Variants in C2orf80 observed in about 807,000 individuals in gnomAD.
C2orf80 encodes chromosome 2 open reading frame 80, also known as uncharacterized protein C2orf80.
In C2orf80, 28 loss-of-function variants were observed where a neutral mutation model predicts 30.2. That is an observed-to-expected ratio of 0.93 (90% CI 0.69 to 1.27). C2orf80 has a LOEUF of 1.27. Among genes scored for constraint, C2orf80 ranks in the 50% most tolerant of loss-of-function variants. The pLI, the probability that C2orf80 is intolerant of heterozygous loss-of-function variation, is 0.00. For synonymous variants in C2orf80, 80 were observed against 76.4 expected (o/e 1.05, Z -0.24); for missense variants, 220 against 231.0 (o/e 0.95, Z 0.31).
At chr2:208,178,912 C>A (rs1696459478) in intron 6 of C2orf80, among the ~76,000 whole-genome samples, 1 of 152,068 alleles carries the variant, frequency 6.6e-6, no homozygotes, top group Admixed American at 6.6e-5. Flanking sequence ...CGACCGCCAC[C>A]ACACCTGGCA....
chr2:208,167,307 A>C (rs1695926974), intron 8 of C2orf80, among the ~76,000 whole-genome samples: 2 of 151,858 alleles, frequency 1.3e-5, no homozygotes, highest in South Asian at 4.2e-4. Flanking sequence ...GTGGATCACG[A>C]GGTCAGGAGT....
intron 6 of C2orf80, among the ~76,000 whole-genome samples, 186 bp from the exon 7 acceptor site, chr2:208,172,261 C>A (rs1033980783): frequency 4.6e-5 from 7 of 152,310 alleles, no homozygotes; most frequent in Admixed American, 2.6e-4. Context: ...CGTGAACTTG[C>A]ACACATGGCC....
At chr2:208,181,135 A>T (rs968089756) in intron 5 of C2orf80, 83 bp downstream of exon 5, 20 of 1,020,178 alleles carry the variant, frequency 2.0e-5, no homozygotes, top group African/African-American at 3.3e-5. Context: ...TTGGTTGAAA[A>T]ATAATGTAAA....
At chr2:208,171,410 T>C (rs1559337473) in intron 7 of C2orf80, among the ~76,000 whole-genome samples, 1 of 152,148 alleles carries the variant, frequency 6.6e-6, no homozygotes, top group East Asian at 1.9e-4. Flanking sequence ...AACCTCTGCC[T>C]CCCAGATTCA....
intron 6 of C2orf80, among the ~76,000 whole-genome samples, chr2:208,176,877 G>GTA: frequency 1.0e-5 from 1 of 99,888 alleles, no homozygotes; most frequent in Non-Finnish European, 2.2e-5. Flanking sequence ...ATATACATAT[G>GTA]TATACATAGG....
At chr2:208,183,563 G>A (rs1354533059) in intron 3 of C2orf80, among the ~76,000 whole-genome samples, 1 of 152,146 alleles carries the variant, frequency 6.6e-6, no homozygotes, top group Non-Finnish European at 1.5e-5. Flanking sequence ...CAGGGGCAGT[G>A]TGGTGGGAAT....
intron 6 of C2orf80, among the ~76,000 whole-genome samples, chr2:208,176,408 T>G (rs1696295582): frequency 6.6e-6 from 1 of 152,188 alleles, no homozygotes. Flanking sequence ...ACTCCTGACC[T>G]CAAGTGATCC....
intron 6 of C2orf80, among the ~76,000 whole-genome samples, chr2:208,179,074 A>T (rs1696465951): frequency 6.6e-6 from 1 of 152,148 alleles, no homozygotes; most frequent in African/African-American, 2.4e-5. Context: ...AAAAGTTTTT[A>T]AAAAGTTATC....
At chr2:208,173,128 A>C (rs1696157731) in intron 6 of C2orf80, among the ~76,000 whole-genome samples, 1 of 151,134 alleles carries the variant, frequency 6.6e-6, no homozygotes, top group Non-Finnish European at 1.5e-5. Context: ...CTCAAAAAAA[A>C]AAAAAAAAAA....
intron 8 of C2orf80, among the ~76,000 whole-genome samples, chr2:208,167,084 A>C (rs1365703296): frequency 6.6e-6 from 1 of 152,200 alleles, no homozygotes; most frequent in Non-Finnish European, 1.5e-5. Context: ...AACTCACTCA[A>C]GTTATTAAGT....
intron 6 of C2orf80, among the ~76,000 whole-genome samples, chr2:208,176,982 A>ACATATCTGTATACAT (rs1559340714): frequency 8.7e-5 from 1 of 11,484 alleles, no homozygotes; most frequent in Admixed American, 1.7e-3. Context: ...TATATACAGA[A>ACATATCTGTATACAT]ATGTATATGT....
Position 208,169,075 on chromosome 2 carries a change from A to C in C2orf80, c.573+1870T>G, listed in dbSNP as rs4589738. Among the ~76,000 whole-genome samples, 519 of 152,148 alleles carry C rather than the reference A, an allele frequency of 3.4e-3. 4 individuals are homozygous for C. In the East Asian group the frequency reaches 0.039, roughly 11 times the overall value. On this transcript the variant is annotated intron_variant, in intron 8 of 8. Transcript: ENST00000341287. ...AAAAGATATGCTTCCATCAAGAATC[A>C]AAAAATCTTCATTGGTTGTGGAAGA...
In C2orf80 at chr2:208,176,983, A is replaced by C. The variant is rs1363587606; in HGVS notation, c.366+3762T>G. Among the ~76,000 whole-genome samples the C allele has an allele frequency of 1.9e-3, 183 of 97,424 alleles. 14 individuals carry two copies. The highest frequency in any genetic ancestry group is 0.016 in the Middle Eastern group (2 of 128). 63.9% of individuals were successfully genotyped at this position (97,424 alleles called of 152,430 possible). ...TACATATGTATACATATATACAGAA[A>C]TGTATATGTATACATATATACATAT... On this transcript the variant is annotated intron_variant, in intron 6 of 8. Coordinates refer to ENST00000341287, the MANE Select transcript of C2orf80 (RefSeq NM_001099334.3).
chr2:208,181,016 T>C (rs192618326), intron 5 of C2orf80, among the ~76,000 whole-genome samples, 200 bp from the exon 6 acceptor site: 142 of 152,332 alleles, frequency 9.3e-4, no homozygotes, highest in African/African-American at 3.3e-3. Context: ...CTTTTCTTTT[T>C]TCTTTGCCTC....
chr2:208,189,980 G>C lies in C2orf80; in HGVS notation c.-103C>G, dbSNP rs531254120. ...ACCGGAGACCGGTTCCAGTGCTTTTGTTCTTTCTCTGCTTCTGGAGGCATG... is the reference window on the plus strand; with the variant it reads ...ACCGGAGACCGGTTCCAGTGCTTTTCTTCTTTCTCTGCTTCTGGAGGCATG... On this transcript the variant is annotated 5_prime_UTR_variant, in exon 1 of 9. Transcript: ENST00000341287. 2.1e-5 allele frequency: 15 copies of C among 702,962 alleles called. No homozygotes were observed. The African/African-American group carries it at 2.6e-4, about 12-fold the overall frequency. The allele number at this position is 702,962 out of a possible 1,614,324, so 43.5% of individuals were successfully genotyped here.
intron 6 of C2orf80, among the ~76,000 whole-genome samples, chr2:208,176,882 CAT>C (rs1559340062): frequency 1.6e-4 from 16 of 98,692 alleles, no homozygotes; most frequent in East Asian, 8.1e-4. Context: ...CATATGTATA[CAT>C]AGGTGTATAT....
intron 7 of C2orf80, among the ~76,000 whole-genome samples, chr2:208,171,465 C>T (rs964508635): frequency 2.0e-5 from 3 of 151,804 alleles, no homozygotes; most frequent in African/African-American, 7.2e-5. Context: ...GGATTACAGG[C>T]GCCTACCACC....
chr2:208,185,267 A>G (rs1025865103), intron 2 of C2orf80, among the ~76,000 whole-genome samples: 4 of 152,224 alleles, frequency 2.6e-5, no homozygotes, highest in East Asian at 1.9e-4. Flanking sequence ...ATTAAACTCA[A>G]TTGGAACAGA....
intron 8 of C2orf80, among the ~76,000 whole-genome samples, chr2:208,167,509 A>G (rs543670034): frequency 1.3e-5 from 2 of 152,046 alleles, no homozygotes; most frequent in East Asian, 3.9e-4. Context: ...GCAACAAAGC[A>G]AGACTCTGTC....
Sources: gnomAD v4.1 joint callset for allele counts (sites outside exome capture counted in the v4.1 genomes callset) on GRCh38, gnomAD v4.1.1 for gene constraint, MANE v1.5 for transcripts, NCBI Gene and HGNC (gene_info 2026-07-23, HGNC 2026-07-21) for gene names.